SEPTIN14: variants seen among roughly 807,000 people sequenced by gnomAD.
The protein encoded by SEPTIN14 is septin-14.
Under a neutral mutation model 53.6 loss-of-function variants are expected in SEPTIN14, and 40 were observed. That is an observed-to-expected ratio of 0.75 (90% confidence interval 0.58 to 0.97). The LOEUF is 0.97. SEPTIN14 is among the 50% of genes least tolerant of loss of function. SEPTIN14 has a pLI of 0.00. For missense variants in SEPTIN14, 471 were observed against 508.2 expected, an observed-to-expected ratio of 0.93 and a Z score of 0.70; for synonymous variants, 138 against 166.8, an observed-to-expected ratio of 0.83 and a Z score of 1.33.
chr7:55,819,702 A>G (rs1240600520), intron 6 of SEPTIN14, among the ~76,000 whole-genome samples: 1 of 151,924 alleles, frequency 6.6e-6, no homozygotes, highest in Admixed American at 6.6e-5. Flanking sequence ...TTCTGTCAGC[A>G]TAAGTCTCAG....
chr7:55,819,701 C>T (rs180773267), intron 6 of SEPTIN14, among the ~76,000 whole-genome samples: 105 of 152,010 alleles, frequency 6.9e-4, no homozygotes, highest in African/African-American at 2.3e-3. Flanking sequence ...TTTCTGTCAG[C>T]ATAAGTCTCA....
intron 9 of SEPTIN14, among the ~76,000 whole-genome samples, chr7:55,800,958 C>T (rs1170739338): frequency 6.6e-6 from 1 of 151,920 alleles, no homozygotes; most frequent in African/African-American, 2.4e-5. Flanking sequence ...AATATGTATA[C>T]CTACTAGGTA....
intron 2 of SEPTIN14, among the ~76,000 whole-genome samples, chr7:55,850,241 T>C (rs1359612855): frequency 1.3e-5 from 2 of 152,080 alleles, no homozygotes; most frequent in Admixed American, 1.3e-4. Flanking sequence ...GAGGTTGAGG[T>C]GGGTTGGATC....
intron 2 of SEPTIN14, among the ~76,000 whole-genome samples, chr7:55,853,556 G>T (rs1012815632): frequency 1.3e-5 from 2 of 152,120 alleles, no homozygotes; most frequent in Non-Finnish European, 2.9e-5. Context: ...GTGAGGGGAT[G>T]GTTAATGGGT....
At chr7:55,815,642 A>G (rs1788778635) in intron 7 of SEPTIN14, among the ~76,000 whole-genome samples, 1 of 152,206 alleles carries the variant, frequency 6.6e-6, no homozygotes, top group South Asian at 2.1e-4. Flanking sequence ...AAAAACTACA[A>G]TGAGATATAA....
chr7:55,854,393 A>G (rs1031940678), intron 2 of SEPTIN14, among the ~76,000 whole-genome samples: 29 of 151,492 alleles, frequency 1.9e-4, no homozygotes, highest in African/African-American at 6.7e-4. Context: ...AAAATAAAGC[A>G]GAGATGTCAG....
chr7:55,834,666 G>C (rs1789171751), intron 5 of SEPTIN14, 80 bp from the exon 6 acceptor site: 1 of 1,198,204 alleles, frequency 8.3e-7, no homozygotes, highest in South Asian at 1.5e-5. Context: ...GTTTTGAGAC[G>C]GAGTCTCGCT....
At chr7:55,859,655 C>T (rs1057058746) in intron 2 of SEPTIN14, among the ~76,000 whole-genome samples, 6 of 152,084 alleles carry the variant, frequency 3.9e-5, no homozygotes, top group Non-Finnish European at 7.4e-5. Flanking sequence ...CCCTCTCTCC[C>T]TTCCTCCCTC....
At chr7:55,824,375 T>A (rs1188200997) in intron 6 of SEPTIN14, among the ~76,000 whole-genome samples, 3 of 152,126 alleles carry the variant, frequency 2.0e-5, no homozygotes, top group Admixed American at 2.0e-4. Flanking sequence ...CAAATTAGCA[T>A]GTAAAAAAGA....
chr7:55,805,292 T>C lies in SEPTIN14; in HGVS notation c.1085A>G (p.Glu362Gly). 1 of 1,612,472 alleles carries C rather than the reference T, an allele frequency of 6.2e-7. No homozygotes were observed. The highest frequency in any genetic ancestry group is 8.5e-7 in the Non-Finnish European group (1 of 1,178,956). The change falls in exon 9 of 10, where the codon GAG becomes GGG. Residue 362 changes from glutamate (E) to glycine (G), a missense_variant. Coordinates refer to ENST00000388975, the MANE Select transcript of SEPTIN14 (RefSeq NM_207366.3). ...AGCTTCTTTAAATGTTGCTTCTTTC[T>C]CCTTGACTCGCTGCATAAATCTCTG... is the stretch of plus-strand genomic sequence containing the variant. ...LKQRFMQRVK[E>G]KEATFKEAEK... is the part of the protein sequence containing the mutation.
At chr7:55,852,976 A>C (rs1789545409) in intron 2 of SEPTIN14, among the ~76,000 whole-genome samples, 1 of 152,236 alleles carries the variant, frequency 6.6e-6, no homozygotes, top group Non-Finnish European at 1.5e-5. Context: ...TTCCAATCAA[A>C]CCTACAATGA....
In SEPTIN14 at chr7:55,846,570, T is replaced by C. The variant is rs1283885127; in HGVS notation, c.122A>G (p.Gln41Arg). ...GHFGFECLPNQLVSRSIRQGF... is the reference protein window; with the variant it reads ...GHFGFECLPNRLVSRSIRQGF... The stretch of plus-strand genomic sequence containing the variant: ...TTGTCGGATAGATCTGCTCACCAAC[T>C]GATTGGGCAAACATTCAAAACCAAA... Residue 41 changes from glutamine to arginine, a missense_variant, in exon 3 of 10, where the codon CAG becomes CGG. Coordinates refer to ENST00000388975, the MANE Select transcript of SEPTIN14 (RefSeq NM_207366.3). 1.3e-6 allele frequency: 2 copies of C among 1,586,612 alleles called. No individual in the cohort carries two copies. Among genetic ancestry groups the C allele is most frequent in the East Asian group, 4.5e-5 (2 of 44,608 alleles).
chr7:55,825,331 G>A (rs1469703995), intron 6 of SEPTIN14, among the ~76,000 whole-genome samples: 13 of 152,180 alleles, frequency 8.5e-5, no homozygotes. Context: ...GTTGCCAAGG[G>A]TAAAGGGAAA....
chr7:55,805,170 AC>A, intron 9 of SEPTIN14, 87 bp downstream of exon 9: 2 of 1,236,952 alleles, frequency 1.6e-6, no homozygotes, highest in Non-Finnish European at 2.3e-6. Flanking sequence ...TCCTCCAAAA[AC>A]ATCAAGTAAA....
intron 3 of SEPTIN14, among the ~76,000 whole-genome samples, chr7:55,845,905 C>T (rs1048557201): frequency 2.9e-4 from 43 of 149,752 alleles, no homozygotes; most frequent in East Asian, 9.9e-4. Context: ...AAAAATTAGC[C>T]GGGTGTATTG....
intron 5 of SEPTIN14, among the ~76,000 whole-genome samples, chr7:55,837,374 C>T (rs573620165): frequency 6.6e-6 from 1 of 152,214 alleles, no homozygotes; most frequent in African/African-American, 2.4e-5. Context: ...TCCTCAGCCT[C>T]CCAAAGTGCT....
intron 5 of SEPTIN14, 34 bp from the exon 6 acceptor site, chr7:55,834,620 T>C (rs1387278520): frequency 7.8e-6 from 12 of 1,534,588 alleles, no homozygotes; most frequent in Non-Finnish European, 9.7e-6. Flanking sequence ...AATCTCATCA[T>C]TGTTCATCTC....
chr7:55,801,147 G>C (rs1447351694), intron 9 of SEPTIN14, among the ~76,000 whole-genome samples: 1 of 151,522 alleles, frequency 6.6e-6, no homozygotes, highest in Non-Finnish European at 1.5e-5. Context: ...AAAAGAAAAA[G>C]AAAAACAAAC....
intron 2 of SEPTIN14, among the ~76,000 whole-genome samples, chr7:55,852,128 T>C (rs1332215608): frequency 1.5e-5 from 2 of 132,654 alleles, no homozygotes; most frequent in Non-Finnish European, 3.1e-5. Flanking sequence ...GGCAACAGAG[T>C]GAGACTCTGT....
Sources: allele counts gnomAD v4.1 joint callset (sites outside exome capture counted in the v4.1 genomes callset), GRCh38; gene constraint gnomAD v4.1.1; transcripts MANE v1.5; gene names NCBI Gene and HGNC (gene_info 2026-07-23, HGNC 2026-07-21).